WBP1L: variants seen among roughly 807,000 people sequenced by gnomAD.
WBP1L encodes WW domain binding protein 1-like.
In WBP1L, 17 loss-of-function variants were observed where a neutral mutation model predicts 33.7. The ratio of observed to expected loss-of-function variants is 0.50; its 90% CI spans 0.34 to 0.76. The LOEUF is 0.76. Among genes scored for constraint, WBP1L ranks in the 30% least tolerant of loss-of-function variants. The pLI, the probability that WBP1L is intolerant of heterozygous loss-of-function variation, is 0.01. For missense variants in WBP1L, 389 were observed against 469.4 expected (o/e 0.83, Z 1.58); for synonymous variants, 173 against 190.8 (o/e 0.91, Z 0.77).
chr10:102,799,695 G>C (rs1200150924), intron 2 of WBP1L, among the ~76,000 whole-genome samples: 1 of 152,102 alleles, frequency 6.6e-6, no homozygotes, highest in African/African-American at 2.4e-5. Flanking sequence ...ACAGACTTCG[G>C]GTTTGTCAAA....
intron 1 of WBP1L, among the ~76,000 whole-genome samples, chr10:102,759,651 G>GT (rs1008017155): frequency 1.4e-4 from 22 of 152,236 alleles, no homozygotes; most frequent in African/African-American, 4.1e-4. Flanking sequence ...TGGTGTACAA[G>GT]TTTTTTTGTT....
rs912866019 is a variant in WBP1L, at chr10:102,752,032, G to A, written c.90+7889G>A. 2.0e-5 allele frequency among the ~76,000 whole-genome samples: 3 copies of A among 152,306 alleles called. No individual in the cohort carries two copies. The East Asian group carries it at 5.8e-4, about 29-fold the overall frequency. On this transcript the variant is annotated intron_variant, in intron 1 of 3. Transcript: ENST00000448841. ...TCAGGAACTGAGATCTGGAGATTTT[G>A]CAAGTGACTTTCTTTATTCTGTTCT...
intron 1 of WBP1L, among the ~76,000 whole-genome samples, chr10:102,756,048 ATCTATATATAG>A (rs1457300960): frequency 6.6e-6 from 1 of 151,700 alleles, no homozygotes; most frequent in Non-Finnish European, 1.5e-5. Flanking sequence ...ACAACCATAT[ATCTATATATAG>A]TCTATATATA....
At chr10:102,755,814 G>A (rs1036697544) in intron 1 of WBP1L, among the ~76,000 whole-genome samples, 1 of 152,062 alleles carries the variant, frequency 6.6e-6, no homozygotes, top group East Asian at 1.9e-4. Context: ...GGGAGGCCAA[G>A]GCAGGTGGAT....
intron 1 of WBP1L, among the ~76,000 whole-genome samples, chr10:102,795,109 A>G (rs1843556167): frequency 6.6e-6 from 1 of 152,218 alleles, no homozygotes; most frequent in Admixed American, 6.5e-5. Flanking sequence ...ACATGCAGCC[A>G]GTAGAAATCA....
intron 1 of WBP1L, among the ~76,000 whole-genome samples, chr10:102,753,227 C>T (rs1419222986): frequency 1.3e-5 from 2 of 152,104 alleles, no homozygotes; most frequent in Non-Finnish European, 2.9e-5. Context: ...ACTACAGGCA[C>T]ACGCTACAGC....
chr10:102,795,273 GTAGAT>G (rs1843558141), intron 1 of WBP1L, among the ~76,000 whole-genome samples: 1 of 152,248 alleles, frequency 6.6e-6, no homozygotes, highest in Non-Finnish European at 1.5e-5. Flanking sequence ...ATGCTGTTCA[GTAGAT>G]TAACTGTGTT....
chr10:102,746,271 T>A, intron 1 of WBP1L: 2 of 582,912 alleles, frequency 3.4e-6, no homozygotes, highest in African/African-American at 4.0e-5. Flanking sequence ...CTTCTAATAC[T>A]TAATTTTGGG....
chr10:102,772,247 T>C (rs10883775), intron 1 of WBP1L, among the ~76,000 whole-genome samples: 65,253 of 139,302 alleles, frequency 0.47, 16,220 homozygotes, highest in East Asian at 0.77. Flanking sequence ...CGTAAGCCAC[T>C]GCGCCCGGCC....
intron 1 of WBP1L, among the ~76,000 whole-genome samples, chr10:102,771,128 C>T (rs956317427): frequency 7.2e-5 from 11 of 152,158 alleles, no homozygotes; most frequent in Middle Eastern, 3.2e-3. Context: ...CTCTCCCCTA[C>T]CCCACCCCAG....
chr10:102,774,782 G>T (rs1025056973), intron 1 of WBP1L, among the ~76,000 whole-genome samples: 2 of 152,106 alleles, frequency 1.3e-5, no homozygotes, highest in Non-Finnish European at 2.9e-5. Context: ...AAGGAAAGAT[G>T]AAATATACTT....
intron 1 of WBP1L, among the ~76,000 whole-genome samples, chr10:102,769,519 T>C (rs1843159999): frequency 6.6e-6 from 1 of 152,232 alleles, no homozygotes; most frequent in African/African-American, 2.4e-5. Flanking sequence ...AGGGCAAGAC[T>C]GATTCATCCA....
chr10:102,757,855 C>G, intron 1 of WBP1L, among the ~76,000 whole-genome samples: 1 of 113,986 alleles, frequency 8.8e-6, no homozygotes, highest in South Asian at 2.8e-4. Context: ...GGGATTACAG[C>G]ATGAGCCACT....
At chr10:102,755,208 A>G (rs1387950583) in intron 1 of WBP1L, among the ~76,000 whole-genome samples, 5 of 151,410 alleles carry the variant, frequency 3.3e-5, no homozygotes, top group African/African-American at 1.2e-4. Context: ...CAGCTTCCCA[A>G]AGTGCTGGGA....
chr10:102,780,982 A>G (rs779513015), intron 1 of WBP1L, among the ~76,000 whole-genome samples: 2 of 152,222 alleles, frequency 1.3e-5, no homozygotes, highest in Non-Finnish European at 2.9e-5. Context: ...GATCCCTGAT[A>G]CTGGAAATGA....
In WBP1L at chr10:102,751,293, C is replaced by T. The variant is rs1262928249; in HGVS notation, c.90+7150C>T. Among the ~76,000 whole-genome samples the T allele has an allele frequency of 6.0e-5, 9 of 150,224 alleles. No individual in the cohort carries two copies. In the South Asian group the frequency reaches 1.1e-3, roughly 18 times the overall value. On this transcript the variant is annotated intron_variant, in intron 1 of 3. Transcript: ENST00000448841. ...CTGAGATTACAGGTGTGTGCCACTG[C>T]GCCCAATCAAGGTTTTCTTTTTTCT...
chr10:102,810,586 G>A (rs1389929505), intron 3 of WBP1L, among the ~76,000 whole-genome samples: 1 of 18,954 alleles, frequency 5.3e-5, no homozygotes, highest in Non-Finnish European at 1.5e-4. Context: ...TTTTTTTTGA[G>A]ATGGAGTTTC....
intron 1 of WBP1L, among the ~76,000 whole-genome samples, chr10:102,763,591 C>G (rs1258782241): frequency 6.6e-6 from 1 of 152,110 alleles, no homozygotes; most frequent in Admixed American, 6.6e-5. Context: ...GAAAGTCTCC[C>G]CCTGGGCATT....
chr10:102,755,727 G>T (rs1842966729), intron 1 of WBP1L, among the ~76,000 whole-genome samples: 1 of 151,504 alleles, frequency 6.6e-6, no homozygotes. Context: ...AACAACACGT[G>T]CTCATAACAA....
Sources: gnomAD v4.1 joint callset for allele counts (sites outside exome capture counted in the v4.1 genomes callset) on GRCh38, gnomAD v4.1.1 for gene constraint, MANE v1.5 for transcripts, NCBI Gene and HGNC (gene_info 2026-07-23, HGNC 2026-07-21) for gene names.